The following IMMP2L variants were observed in gnomAD, a reference collection of about 807,000 sequenced individuals.
The protein encoded by IMMP2L is mitochondrial inner membrane protease subunit 2.
Under a neutral mutation model 19.3 loss-of-function variants are expected in IMMP2L, and 18 were observed. The ratio of observed to expected loss-of-function variants is 0.93; its 90% CI spans 0.64 to 1.38. IMMP2L has a LOEUF of 1.38. Among genes scored for constraint, IMMP2L ranks in the 40% most tolerant of loss-of-function variants. IMMP2L has a pLI of 0.00. For missense variants in IMMP2L, 233 were observed against 218.2 expected, an observed-to-expected ratio of 1.07 and a Z score of -0.43; for synonymous variants, 76 against 73.0, an observed-to-expected ratio of 1.04 and a Z score of -0.21.
rs530337140 is a variant in IMMP2L, at chr7:110,966,529, G to C, written c.240-2964C>G. On this transcript the variant is annotated intron_variant, in intron 3 of 5. Coordinates refer to ENST00000405709, the MANE Select transcript of IMMP2L (RefSeq NM_032549.4). ...TTATGCCAACAATGTTTAAGCTTTTGAGATTCTTAAAAGGTATTCTATATT... is the reference window on the plus strand; with the variant it reads ...TTATGCCAACAATGTTTAAGCTTTTCAGATTCTTAAAAGGTATTCTATATT... Among the ~76,000 whole-genome samples, 44 of 152,078 alleles carry C rather than the reference G, an allele frequency of 2.9e-4. 1 individual carries two copies. The South Asian group carries it at 7.9e-3, about 27-fold the overall frequency.
chr7:110,737,570 T>C (rs1033839126), intron 5 of IMMP2L, among the ~76,000 whole-genome samples: 4 of 152,200 alleles, frequency 2.6e-5, no homozygotes, highest in Non-Finnish European at 5.9e-5. Context: ...TCCCACCTGG[T>C]GGTCTTTCTC....
chr7:111,190,599 C>T (rs1335608041), intron 3 of IMMP2L, among the ~76,000 whole-genome samples: 1 of 152,026 alleles, frequency 6.6e-6, no homozygotes, highest in East Asian at 1.9e-4. Flanking sequence ...GTCTGCCACA[C>T]TTAGGTCGAA....
chr7:111,440,601 T>A (rs1055231927), intron 3 of IMMP2L, among the ~76,000 whole-genome samples: 1 of 151,792 alleles, frequency 6.6e-6, no homozygotes, highest in Non-Finnish European at 1.5e-5. Flanking sequence ...TAGAGCACAG[T>A]CAGAGCATAT....
chr7:111,189,465 G>A (rs1374198338), intron 3 of IMMP2L, among the ~76,000 whole-genome samples: 3 of 151,534 alleles, frequency 2.0e-5, no homozygotes, highest in African/African-American at 7.3e-5. Flanking sequence ...TTAATAAATA[G>A]GGCAGTTATT....
intron 5 of IMMP2L, among the ~76,000 whole-genome samples, chr7:110,858,480 C>G (rs552475719): frequency 6.6e-6 from 1 of 152,180 alleles, no homozygotes; most frequent in East Asian, 1.9e-4. Flanking sequence ...CTACAGTTTA[C>G]TATCAATCTG....
chr7:111,222,070 C>T (rs1586900955), intron 3 of IMMP2L, among the ~76,000 whole-genome samples: 1 of 151,880 alleles, frequency 6.6e-6, no homozygotes, highest in East Asian at 1.9e-4. Context: ...CTTCCCCCAC[C>T]GATGTATAAT....
chr7:111,165,012 T>C (rs960731572), intron 3 of IMMP2L, among the ~76,000 whole-genome samples: 2 of 152,168 alleles, frequency 1.3e-5, no homozygotes, highest in South Asian at 4.2e-4. Context: ...ACCATTCATA[T>C]CCAGAACTTT....
At chr7:111,162,175 C>T (rs1002814845) in intron 3 of IMMP2L, among the ~76,000 whole-genome samples, 1 of 151,982 alleles carries the variant, frequency 6.6e-6, no homozygotes, top group African/African-American at 2.4e-5. Flanking sequence ...AATTATTGAT[C>T]GCTAATATGT....
At chr7:111,156,434 A>G (rs1804653876) in intron 3 of IMMP2L, among the ~76,000 whole-genome samples, 1 of 152,070 alleles carries the variant, frequency 6.6e-6, no homozygotes, top group Non-Finnish European at 1.5e-5. Context: ...TGCTAATGTT[A>G]GTCCTCCAAC....
intron 3 of IMMP2L, among the ~76,000 whole-genome samples, chr7:111,281,148 C>T (rs151082298): frequency 1.8e-5 from 1 of 55,320 alleles, no homozygotes; most frequent in Non-Finnish European, 3.6e-5. Flanking sequence ...GACAGAAAGA[C>T]AGAAAGACAG....
chr7:111,355,447 G>C (rs543906041), intron 3 of IMMP2L, among the ~76,000 whole-genome samples: 1 of 151,524 alleles, frequency 6.6e-6, no homozygotes, highest in Non-Finnish European at 1.5e-5. Context: ...TTGTAATATT[G>C]GGCTTTATTA....
chr7:111,366,786 C>T (rs1829804776), intron 3 of IMMP2L, among the ~76,000 whole-genome samples: 1 of 151,898 alleles, frequency 6.6e-6, no homozygotes, highest in African/African-American at 2.4e-5. Flanking sequence ...TATGCATTCT[C>T]TCTATATATT....
chr7:111,199,986 A>T (rs1216106899), intron 3 of IMMP2L, among the ~76,000 whole-genome samples: 1 of 152,130 alleles, frequency 6.6e-6, no homozygotes, highest in Non-Finnish European at 1.5e-5. Context: ...TAGTTTCTCT[A>T]TTAAAACATG....
chr7:111,068,761 C>T (rs1794716683), intron 3 of IMMP2L, among the ~76,000 whole-genome samples: 2 of 152,126 alleles, frequency 1.3e-5, no homozygotes, highest in South Asian at 4.1e-4. Context: ...AAAATAGCAA[C>T]ATTAATAGAC....
intron 3 of IMMP2L, among the ~76,000 whole-genome samples, chr7:111,393,114 G>A (rs1476734842): frequency 1.3e-5 from 2 of 151,874 alleles, no homozygotes; most frequent in Non-Finnish European, 2.9e-5. Flanking sequence ...TGCTAATCAA[G>A]GCTTGGTCTG....
At chr7:111,107,608 T>G (rs1477105138) in intron 3 of IMMP2L, among the ~76,000 whole-genome samples, 1 of 152,130 alleles carries the variant, frequency 6.6e-6, no homozygotes, top group Non-Finnish European at 1.5e-5. Flanking sequence ...GAATAGAATT[T>G]TAGAATCTAC....
chr7:111,063,187 T>C (rs1794179299), intron 3 of IMMP2L, among the ~76,000 whole-genome samples: 1 of 152,186 alleles, frequency 6.6e-6, no homozygotes, highest in Non-Finnish European at 1.5e-5. Flanking sequence ...CAAACCTCAA[T>C]TCTTGACTTC....
chr7:110,827,895 T>G (rs984437345), intron 5 of IMMP2L, among the ~76,000 whole-genome samples: 6 of 152,144 alleles, frequency 3.9e-5, no homozygotes, highest in African/African-American at 1.4e-4. Context: ...CTGGAAAATA[T>G]GTACTGATCC....
intron 3 of IMMP2L, among the ~76,000 whole-genome samples, chr7:111,186,029 A>G (rs1349813741): frequency 6.6e-6 from 1 of 152,222 alleles, no homozygotes; most frequent in Non-Finnish European, 1.5e-5. Context: ...ATTTAAATAT[A>G]TTATGAAGAA....
Sources: gnomAD v4.1 joint callset for allele counts (sites outside exome capture counted in the v4.1 genomes callset) on GRCh38, gnomAD v4.1.1 for gene constraint, MANE v1.5 for transcripts, NCBI Gene and HGNC (gene_info 2026-07-23, HGNC 2026-07-21) for gene names.